The following MYO3A variants were observed in gnomAD, a reference collection of about 807,000 sequenced individuals.
The protein encoded by MYO3A is myosin IIIA.
In MYO3A, 180 loss-of-function variants were observed where a neutral mutation model predicts 192.7. The observed-to-expected ratio is 0.93, with a 90% CI of 0.83 to 1.06. The LOEUF is 1.06. Ranked by LOEUF, MYO3A falls within the 50% of genes least tolerant of loss-of-function variation. The probability of loss-of-function intolerance (pLI) is 0.00; values close to 1 mark genes in which losing one functional copy is unlikely to be tolerated. For missense variants in MYO3A, 1,896 were observed against 1,905.0 expected (o/e 1.00, Z 0.09); for synonymous variants, 628 against 645.3 (o/e 0.97, Z 0.41).
chr10:26,207,869 G>A (rs549351922), intron 34 of MYO3A, among the ~76,000 whole-genome samples: 1 of 152,138 alleles, frequency 6.6e-6, no homozygotes, highest in African/African-American at 2.4e-5. Flanking sequence ...TGGGTAGTAT[G>A]AGCATTTTAC....
intron 17 of MYO3A, among the ~76,000 whole-genome samples, chr10:26,116,496 G>A (rs1838513839): frequency 6.6e-6 from 1 of 152,122 alleles, no homozygotes; most frequent in Admixed American, 6.5e-5. Flanking sequence ...TTCCAAATAA[G>A]ACCACGTTCT....
At chr10:26,043,075 A>G (rs982075267) in intron 10 of MYO3A, among the ~76,000 whole-genome samples, 1 of 152,008 alleles carries the variant, frequency 6.6e-6, no homozygotes, top group African/African-American at 2.4e-5. Context: ...AAGTACTTGG[A>G]TAAGATCTTG....
At chr10:26,090,105 A>G (rs1319871410) in intron 15 of MYO3A, among the ~76,000 whole-genome samples, 1 of 152,180 alleles carries the variant, frequency 6.6e-6, no homozygotes, top group Non-Finnish European at 1.5e-5. Context: ...TAGTTCTCAA[A>G]ACCATTTGTT....
At chr10:26,055,726 TC>T (rs1437489805) in intron 10 of MYO3A, among the ~76,000 whole-genome samples, 1 of 152,190 alleles carries the variant, frequency 6.6e-6, no homozygotes, top group African/African-American at 2.4e-5. Context: ...TGGTTTACCC[TC>T]CTCTTGTCCT....
intron 14 of MYO3A, among the ~76,000 whole-genome samples, chr10:26,082,636 A>G (rs1430024694): frequency 1.3e-5 from 2 of 152,226 alleles, no homozygotes; most frequent in Non-Finnish European, 2.9e-5. Flanking sequence ...AAACATCCCT[A>G]TGATAAAGTT....
chr10:26,033,463 C>T lies in MYO3A; in HGVS notation c.953+6931C>T, dbSNP rs1328783955. ...GATTATCTTAACCTATTCCTCTCTC[C>T]TACTTTTCATTTTTAGTCCAAACCA... is the stretch of plus-strand genomic sequence containing the variant. On this transcript the variant is annotated intron_variant, in intron 10 of 34. Transcript: ENST00000642920. Among the ~76,000 whole-genome samples the T allele has an allele frequency of 2.0e-5, 3 of 152,152 alleles. No individual in the cohort carries two copies. In the East Asian group the frequency reaches 5.8e-4, roughly 29 times the overall value.
At chr10:26,055,259 G>T (rs1215698924) in intron 10 of MYO3A, among the ~76,000 whole-genome samples, 1 of 152,098 alleles carries the variant, frequency 6.6e-6, no homozygotes, top group Non-Finnish European at 1.5e-5. Context: ...ATAAAGACAG[G>T]CTCTTTATCC....
intron 26 of MYO3A, among the ~76,000 whole-genome samples, chr10:26,160,902 C>T (rs146044218): frequency 2.0e-4 from 31 of 152,160 alleles, no homozygotes; most frequent in African/African-American, 6.0e-4. Context: ...TGAAAAATAA[C>T]CATAGTTTTA....
At chr10:26,039,303 G>T (rs904151029) in intron 10 of MYO3A, among the ~76,000 whole-genome samples, 4 of 144,572 alleles carry the variant, frequency 2.8e-5, no homozygotes, top group Non-Finnish European at 6.0e-5. Flanking sequence ...CAGGTCATCC[G>T]CCTGTCTCGG....
At chr10:26,061,424 T>C (rs1834471777) in intron 10 of MYO3A, among the ~76,000 whole-genome samples, 1 of 151,900 alleles carries the variant, frequency 6.6e-6, no homozygotes, top group Non-Finnish European at 1.5e-5. Flanking sequence ...AATTTAAGAC[T>C]AACTTTGAAG....
intron 32 of MYO3A, among the ~76,000 whole-genome samples, chr10:26,199,040 G>A (rs1000448535): frequency 6.6e-6 from 1 of 152,140 alleles, no homozygotes; most frequent in Admixed American, 6.5e-5. Context: ...TCATGACAAA[G>A]GGTAGAGGTT....
At chr10:26,152,722 T>C (rs1280228161) in intron 23 of MYO3A, among the ~76,000 whole-genome samples, 1 of 152,242 alleles carries the variant, frequency 6.6e-6, no homozygotes, top group South Asian at 2.1e-4. Flanking sequence ...GATCATCTGT[T>C]ACTGTATCTG....
At chr10:25,976,957 A>G (rs1465394146) in intron 4 of MYO3A, among the ~76,000 whole-genome samples, 7 of 152,132 alleles carry the variant, frequency 4.6e-5, no homozygotes, top group African/African-American at 9.7e-5. Context: ...TTCATTTAAG[A>G]TATTTTAATT....
chr10:26,046,896 G>A (rs1843663289), intron 10 of MYO3A, among the ~76,000 whole-genome samples: 1 of 152,120 alleles, frequency 6.6e-6, no homozygotes, highest in African/African-American at 2.4e-5. Flanking sequence ...TTAGTAGTTA[G>A]TATTAAAATA....
intron 20 of MYO3A, among the ~76,000 whole-genome samples, chr10:26,134,558 A>G (rs552188069): frequency 6.6e-6 from 1 of 152,324 alleles, no homozygotes; most frequent in South Asian, 2.1e-4. Flanking sequence ...AAAATCAAAC[A>G]TGATGAAGCT....
intron 31 of MYO3A, among the ~76,000 whole-genome samples, chr10:26,191,463 T>G (rs1225207086): frequency 1.3e-5 from 2 of 152,246 alleles, no homozygotes; most frequent in East Asian, 3.8e-4. Flanking sequence ...GCTTTCACTT[T>G]TGTTTATTAC....
At chr10:26,002,465 A>G (rs1031867363) in intron 6 of MYO3A, among the ~76,000 whole-genome samples, 2 of 152,182 alleles carry the variant, frequency 1.3e-5, no homozygotes, top group African/African-American at 4.8e-5. Flanking sequence ...TCGTTCCCCT[A>G]TTGGCTAGGG....
chr10:26,075,780 G>GAT (rs1215608015), intron 14 of MYO3A, among the ~76,000 whole-genome samples: 2 of 134,940 alleles, frequency 1.5e-5, no homozygotes, highest in African/African-American at 2.8e-5. Flanking sequence ...ATATATATAT[G>GAT]ATATATATGT....
At chr10:26,114,303 T>TATAG (rs1423073198) in intron 17 of MYO3A, among the ~76,000 whole-genome samples, 1 of 152,168 alleles carries the variant, frequency 6.6e-6, no homozygotes, top group Non-Finnish European at 1.5e-5. Context: ...AGGCATCAGG[T>TATAG]ATAGGTTGAG....
Sources: allele counts gnomAD v4.1 joint callset (sites outside exome capture counted in the v4.1 genomes callset), GRCh38; gene constraint gnomAD v4.1.1; transcripts MANE v1.5; gene names NCBI Gene and HGNC (gene_info 2026-07-23, HGNC 2026-07-21).